The following CDH13 variants were observed in gnomAD, a reference collection of about 807,000 sequenced individuals.
CDH13 encodes the protein cadherin-13.
Under a neutral mutation model 63.8 loss-of-function variants are expected in CDH13, and 24 were observed. That is an observed-to-expected ratio of 0.38 (90% CI 0.27 to 0.53). The LOEUF is 0.53. Among genes scored for constraint, CDH13 ranks in the 20% least tolerant of loss-of-function variants. The pLI, the probability that CDH13 is intolerant of heterozygous loss-of-function variation, is 0.85. For synonymous variants in CDH13, 503 were observed against 355.3 expected (o/e 1.42, Z -4.67); for missense variants, 1,049 against 903.1 (o/e 1.16, Z -2.07).
chr16:83,375,282 AAAG>A lies in CDH13; in HGVS notation c.781+30280_781+30282del, dbSNP rs1469933414. ...TTAATTAAGGAACAAATTGATTTTT[AAAG>A]AAGTGCTGAGGCCCCCTTGGGCCAC... On this transcript the variant is annotated intron_variant, in intron 6 of 13. Transcript: ENST00000567109. Among the ~76,000 whole-genome samples, 7 of 152,222 alleles carry A rather than the reference AAAG, an allele frequency of 4.6e-5. 1 individual carries two copies. Among genetic ancestry groups the A allele is most frequent in the African/African-American group, 1.7e-4 (7 of 41,460 alleles).
At chr16:82,719,574 A>G (rs2032624596) in intron 1 of CDH13, 1 of 385,654 alleles carries the variant, frequency 2.6e-6, no homozygotes, top group Non-Finnish European at 5.2e-6. Flanking sequence ...GGATGGGCGC[A>G]GTGGCTTGTG....
intron 5 of CDH13, among the ~76,000 whole-genome samples, chr16:83,319,886 A>G (rs2090184542): frequency 6.6e-6 from 1 of 152,194 alleles, no homozygotes; most frequent in African/African-American, 2.4e-5. Flanking sequence ...CTCGTTCAAA[A>G]TTTTCAAAAG....
At chr16:83,710,353 A>C (rs1907833867) in intron 10 of CDH13, 1 of 152,226 alleles carries the variant, frequency 6.6e-6, no homozygotes, top group Non-Finnish European at 1.5e-5. Flanking sequence ...AAAAACCTGG[A>C]GGCTTTCCCT....
intron 7 of CDH13, among the ~76,000 whole-genome samples, chr16:83,568,556 T>C (rs907486060): frequency 6.6e-6 from 1 of 152,220 alleles, no homozygotes; most frequent in Non-Finnish European, 1.5e-5. Context: ...TAGGAGATGA[T>C]AGTTAACCCA....
At chr16:83,479,039 T>C (rs1043590036) in intron 6 of CDH13, among the ~76,000 whole-genome samples, 4 of 152,184 alleles carry the variant, frequency 2.6e-5, no homozygotes, top group African/African-American at 9.7e-5. Flanking sequence ...CCTATCAGGT[T>C]GGTTGGTTAT....
intron 8 of CDH13, among the ~76,000 whole-genome samples, chr16:83,623,958 A>G (rs1567462080): frequency 6.6e-6 from 1 of 152,198 alleles, no homozygotes; most frequent in African/African-American, 2.4e-5. Flanking sequence ...GTTGTTAGGA[A>G]CAGAAATCCA....
intron 6 of CDH13, among the ~76,000 whole-genome samples, chr16:83,392,927 G>A (rs1404358960): frequency 1.4e-5 from 2 of 138,484 alleles, no homozygotes; most frequent in Non-Finnish European, 3.2e-5. Context: ...GGAGAGAGGT[G>A]AAGAGCTGGA....
At chr16:82,903,784 C>A (rs191138376) in intron 2 of CDH13, among the ~76,000 whole-genome samples, 1 of 152,182 alleles carries the variant, frequency 6.6e-6, no homozygotes, top group East Asian at 1.9e-4. Context: ...CCTTAGAGCA[C>A]CTTCATAGGG....
At chr16:83,435,012 C>G (rs980812413) in intron 6 of CDH13, among the ~76,000 whole-genome samples, 2 of 97,052 alleles carry the variant, frequency 2.1e-5, no homozygotes, top group African/African-American at 8.5e-5. Context: ...TATATATACA[C>G]ACACACATAT....
intron 2 of CDH13, among the ~76,000 whole-genome samples, chr16:83,003,733 C>T (rs1407242349): frequency 1.3e-5 from 2 of 152,304 alleles, no homozygotes; most frequent in Middle Eastern, 3.4e-3. Context: ...ATTACTACGA[C>T]CCTTGGGCAT....
At chr16:82,736,821 C>T (rs2033697308) in intron 1 of CDH13, among the ~76,000 whole-genome samples, 2 of 152,194 alleles carry the variant, frequency 1.3e-5, no homozygotes, top group Admixed American at 1.3e-4. Context: ...AAGAGAAGGA[C>T]TCTTGATGGG....
At chr16:83,535,302 C>T (rs1294734840) in intron 7 of CDH13, among the ~76,000 whole-genome samples, 1 of 152,164 alleles carries the variant, frequency 6.6e-6, no homozygotes, top group Non-Finnish European at 1.5e-5. Context: ...GGTCAGCATC[C>T]AAAGGACAAA....
chr16:82,710,798 A>T (rs59322660), intron 1 of CDH13, among the ~76,000 whole-genome samples: 2,454 of 149,238 alleles, frequency 0.016, 70 homozygotes, highest in African/African-American at 0.057. Flanking sequence ...AATATAACCT[A>T]TAAGTATATA....
intron 1 of CDH13, among the ~76,000 whole-genome samples, chr16:82,738,957 C>A (rs181138130): frequency 6.6e-6 from 1 of 152,316 alleles, no homozygotes; most frequent in Admixed American, 6.5e-5. Flanking sequence ...TTTCCAGAAC[C>A]TTTTAGTGGA....
At chr16:83,711,656 C>T (rs1377494159) in intron 10 of CDH13, among the ~76,000 whole-genome samples, 6 of 152,148 alleles carry the variant, frequency 3.9e-5, no homozygotes, top group South Asian at 4.1e-4. Flanking sequence ...GCTGGGATTA[C>T]GTGTGCATAC....
intron 1 of CDH13, among the ~76,000 whole-genome samples, chr16:82,701,509 C>G (rs2031018865): frequency 6.6e-6 from 1 of 152,182 alleles, no homozygotes; most frequent in Non-Finnish European, 1.5e-5. Flanking sequence ...GTAGATTGCA[C>G]AACTGGCAAA....
At chr16:82,940,690 A>G (rs372214921) in intron 2 of CDH13, among the ~76,000 whole-genome samples, 3 of 152,210 alleles carry the variant, frequency 2.0e-5, no homozygotes, top group African/African-American at 7.2e-5. Context: ...GCTCACACAT[A>G]CTGTGGCCAC....
intron 4 of CDH13, among the ~76,000 whole-genome samples, chr16:83,139,497 G>A (rs539411237): frequency 2.0e-4 from 30 of 152,230 alleles, no homozygotes; most frequent in African/African-American, 7.0e-4. Flanking sequence ...CACAGGCTCT[G>A]TGTTGCTCAA....
rs1312817137 is a variant in CDH13 at position 82,832,821 on chromosome 16, A to G, written c.46-25541A>G. Among the ~76,000 whole-genome samples, 10 of 152,324 alleles carry G rather than the reference A, an allele frequency of 6.6e-5. No individual in the cohort carries two copies. In the South Asian group the frequency reaches 1.0e-3, roughly 16 times the overall value. The stretch of plus-strand genomic sequence containing the variant: ...CTTCTTGAGCATCTACTGGGTGACA[A>G]TCGTTGAAATAGTATCTGAATTTAA... On this transcript the variant is annotated intron_variant, in intron 1 of 13. Transcript: ENST00000567109.
Sources: gnomAD v4.1 joint callset for allele counts (sites outside exome capture counted in the v4.1 genomes callset) on GRCh38, gnomAD v4.1.1 for gene constraint, MANE v1.5 for transcripts, NCBI Gene and HGNC (gene_info 2026-07-23, HGNC 2026-07-21) for gene names.